The following TSPAN2 variants were observed in gnomAD, a reference collection of about 807,000 sequenced individuals.
TSPAN2 encodes tetraspanin 2.
TSPAN2 carries 24 observed loss-of-function variants against 33.3 expected under a neutral mutation model. The ratio of observed to expected loss-of-function variants is 0.72; its 90% CI spans 0.52 to 1.01. TSPAN2 has a LOEUF of 1.01. Ranked by LOEUF, TSPAN2 falls within the 50% of genes least tolerant of loss-of-function variation. The pLI, the probability that TSPAN2 is intolerant of heterozygous loss-of-function variation, is 0.00. For missense variants in TSPAN2, 278 were observed against 281.3 expected (o/e 0.99, Z 0.08); for synonymous variants, 114 against 104.5 (o/e 1.09, Z -0.56).
chr1:115,087,620 A>AC (rs1332473383), intron 1 of TSPAN2, among the ~76,000 whole-genome samples: 1 of 151,122 alleles, frequency 6.6e-6, no homozygotes, highest in Non-Finnish European at 1.5e-5. Context: ...CGTCTCAAAA[A>AC]AAAAAAAAAA....
chr1:115,057,672 C>A (rs760147761), intron 5 of TSPAN2, 64 bp from the exon 6 acceptor site: 3 of 1,524,322 alleles, frequency 2.0e-6, no homozygotes, highest in Non-Finnish European at 2.7e-6. Flanking sequence ...AGTCTGGGCA[C>A]CCTGCTAAGG....
chr1:115,073,473 C>T (rs1337095777), intron 1 of TSPAN2, among the ~76,000 whole-genome samples: 2 of 152,086 alleles, frequency 1.3e-5, no homozygotes. Context: ...GGGGGAAACC[C>T]ACTTTTCTGA....
intron 2 of TSPAN2, among the ~76,000 whole-genome samples, chr1:115,066,677 C>T (rs2101033675): frequency 7.4e-6 from 1 of 134,666 alleles, no homozygotes; most frequent in East Asian, 2.6e-4. Flanking sequence ...CTGCTAATGA[C>T]CATTTTTTTA....
At chr1:115,077,184 A>C (rs1378043851) in intron 1 of TSPAN2, among the ~76,000 whole-genome samples, 1 of 152,024 alleles carries the variant, frequency 6.6e-6, no homozygotes, top group Non-Finnish European at 1.5e-5. Context: ...CTCTCAAAGT[A>C]CTAGGATTAC....
intron 2 of TSPAN2, 40 bp from the exon 3 acceptor site, chr1:115,062,272 C>T (rs769948977): frequency 3.3e-6 from 5 of 1,518,070 alleles, no homozygotes; most frequent in South Asian, 1.2e-5. Context: ...GAGAGCCAAC[C>T]GAGTGCCTCC....
intron 1 of TSPAN2, among the ~76,000 whole-genome samples, chr1:115,079,541 A>G (rs1648545865): frequency 1.3e-5 from 2 of 152,228 alleles, no homozygotes; most frequent in Admixed American, 6.5e-5. Flanking sequence ...TTATTCTGTT[A>G]TGCAGTAAAA....
chr1:115,088,126 T>C (rs1648916091), intron 1 of TSPAN2, among the ~76,000 whole-genome samples: 1 of 152,202 alleles, frequency 6.6e-6, no homozygotes, highest in East Asian at 1.9e-4. Flanking sequence ...CTCTTTAAAG[T>C]TCAGGGGATG....
At chr1:115,068,224 C>T (rs775386345) in intron 2 of TSPAN2, among the ~76,000 whole-genome samples, 2 of 152,204 alleles carry the variant, frequency 1.3e-5, no homozygotes, top group Non-Finnish European at 2.9e-5. Context: ...GATCCTCCTG[C>T]CCTGCCCTGG....
At chr1:115,064,689 G>C (rs1647874417) in intron 2 of TSPAN2, among the ~76,000 whole-genome samples, 2 of 152,220 alleles carry the variant, frequency 1.3e-5, no homozygotes, top group Middle Eastern at 3.2e-3. Context: ...AGGCTTGCTG[G>C]CTGTCATCAC....
intron 2 of TSPAN2, among the ~76,000 whole-genome samples, chr1:115,071,061 C>T (rs563828614): frequency 4.6e-5 from 7 of 152,264 alleles, no homozygotes; most frequent in East Asian, 1.9e-4. Context: ...TTTATGTCTA[C>T]GGCAGATTCC....
At chr1:115,067,785 C>T (rs1464455943) in intron 2 of TSPAN2, among the ~76,000 whole-genome samples, 1 of 152,180 alleles carries the variant, frequency 6.6e-6, no homozygotes, top group Non-Finnish European at 1.5e-5. Flanking sequence ...CTGTTAATAT[C>T]CTCTGCTCAC....
intron 2 of TSPAN2, among the ~76,000 whole-genome samples, chr1:115,067,337 C>T (rs1390838711): frequency 6.6e-6 from 1 of 152,196 alleles, no homozygotes; most frequent in African/African-American, 2.4e-5. Flanking sequence ...CCTGGTTTTT[C>T]CTCTGAAAGT....
At chr1:115,056,245 T>A (rs1647417548) in intron 6 of TSPAN2, among the ~76,000 whole-genome samples, 1 of 152,254 alleles carries the variant, frequency 6.6e-6, no homozygotes. Context: ...ATTTTCTATA[T>A]GTTTAATGGT....
chr1:115,083,120 T>C lies in TSPAN2; in HGVS notation c.69+6244A>G, dbSNP rs1235243289. On this transcript the variant is annotated intron_variant, in intron 1 of 7. Transcript: ENST00000369516. ...GCTCCCAGCCCATCTGGTATTTCCA[T>C]CTTGCTGGCAGCATTCTCTCTTTAA... is the stretch of plus-strand genomic sequence containing the variant. Among the ~76,000 whole-genome samples the C allele has an allele frequency of 2.0e-5, 3 of 152,228 alleles. No homozygotes were observed. The East Asian group carries it at 5.8e-4, about 29-fold the overall frequency.
intron 1 of TSPAN2, among the ~76,000 whole-genome samples, chr1:115,082,389 C>T (rs114306309): frequency 0.016 from 2,511 of 152,296 alleles, 71 homozygotes; most frequent in African/African-American, 0.058. Context: ...GCTCTCAAGT[C>T]TCTTCAATGC....
At chr1:115,064,798 G>T (rs545727958) in intron 2 of TSPAN2, among the ~76,000 whole-genome samples, 2 of 152,292 alleles carry the variant, frequency 1.3e-5, no homozygotes, top group African/African-American at 4.8e-5. Flanking sequence ...CATGAGGATG[G>T]TTGCTTCGCA....
intron 1 of TSPAN2, 150 bp downstream of exon 1, chr1:115,089,214 T>G: frequency 1.8e-6 from 1 of 542,896 alleles, no homozygotes; most frequent in Non-Finnish European, 3.1e-6. Context: ...CCCTCCCTCT[T>G]TGTTTGCCTT....
At chr1:115,060,623 G>T in intron 3 of TSPAN2, 85 bp from the exon 4 acceptor site, 2 of 1,007,788 alleles carry the variant, frequency 2.0e-6, no homozygotes, top group Non-Finnish European at 3.0e-6. Context: ...TTATGTAATG[G>T]CTGAATCGCT....
chr1:115,073,983 A>G (rs149120131), intron 1 of TSPAN2, among the ~76,000 whole-genome samples: 97 of 152,242 alleles, frequency 6.4e-4, no homozygotes, highest in African/African-American at 2.3e-3. Flanking sequence ...CCATCAACAG[A>G]TATTTACTGG....
Sources: gnomAD v4.1 joint callset for allele counts (sites outside exome capture counted in the v4.1 genomes callset) on GRCh38, gnomAD v4.1.1 for gene constraint, MANE v1.5 for transcripts, NCBI Gene and HGNC (gene_info 2026-07-23, HGNC 2026-07-21) for gene names.